Variants in CCDC102B observed in about 807,000 individuals in gnomAD.
CCDC102B encodes coiled-coil domain-containing protein 102B.
A neutral mutation model predicts 57.4 loss-of-function variants in CCDC102B; 75 were observed. The observed-to-expected ratio is 1.31, with a 90% CI of 1.08 to 1.58. The LOEUF (loss-of-function observed/expected upper bound fraction) is 1.58. Ranked by LOEUF, CCDC102B falls within the 40% of genes most tolerant of loss-of-function variation. The pLI, the probability that CCDC102B is intolerant of heterozygous loss-of-function variation, is 0.00. For synonymous variants in CCDC102B, 206 were observed against 201.9 expected (o/e 1.02, Z -0.17); for missense variants, 636 against 582.6 (o/e 1.09, Z -0.94).
At chr18:68,946,222 T>A (rs1260671268) in intron 6 of CCDC102B, among the ~76,000 whole-genome samples, 1 of 152,074 alleles carries the variant, frequency 6.6e-6, no homozygotes, top group Non-Finnish European at 1.5e-5. Context: ...TTATCTCCCA[T>A]GTACATAAGC....
At chr18:68,923,347 A>G (rs572533937) in intron 6 of CCDC102B, among the ~76,000 whole-genome samples, 4 of 152,084 alleles carry the variant, frequency 2.6e-5, no homozygotes, top group African/African-American at 9.6e-5. Flanking sequence ...AAAAATGTAT[A>G]TATGTATTTT....
At chr18:68,779,178 T>G (rs546904220) in intron 2 of CCDC102B, among the ~76,000 whole-genome samples, 8 of 152,190 alleles carry the variant, frequency 5.3e-5, no homozygotes, top group African/African-American at 1.9e-4. Context: ...TTTACTCTGC[T>G]AGGAAATTTA....
In CCDC102B at chr18:68,786,374, G is replaced by C. The variant is rs1355539750; in HGVS notation, c.-66-36992G>C. 1.0e-4 allele frequency among the ~76,000 whole-genome samples: 13 copies of C among 129,048 alleles called. No individual in the cohort carries two copies. The East Asian group carries it at 1.8e-3, about 18-fold the overall frequency. 84.7% of individuals were successfully genotyped at this position (129,048 alleles called of 152,430 possible). Reference sequence around the variant, plus strand: ...TCCAATTCTGTGAAGAAAGTCATTGGTAGCTTGATGGGGATGGCATTGAAT... The same window carrying C: ...TCCAATTCTGTGAAGAAAGTCATTGCTAGCTTGATGGGGATGGCATTGAAT... On this transcript the variant is annotated intron_variant, in intron 2 of 3. Transcript: ENST00000578970.
chr18:68,988,458 G>A (rs900570914), intron 6 of CCDC102B, among the ~76,000 whole-genome samples: 1 of 151,566 alleles, frequency 6.6e-6, no homozygotes, highest in African/African-American at 2.4e-5. Flanking sequence ...CACTACTTCG[G>A]TGGTGGTATC....
In CCDC102B at chr18:68,728,440, T is replaced by C. The variant is rs561961542; in HGVS notation, c.-67+11846T>C. Among the ~76,000 whole-genome samples, 5 of 152,308 alleles carry C rather than the reference T, an allele frequency of 3.3e-5. No homozygotes were observed. The South Asian group carries it at 1.0e-3, about 32-fold the overall frequency. On this transcript the variant is annotated intron_variant, in intron 2 of 3. Coordinates refer to the CCDC102B transcript ENST00000578970. ...CAAAGATTGAACAACAGAAACAAAA[T>C]TATGGCATGAGTTTTGTCCTCCTAG... is the stretch of plus-strand genomic sequence containing the variant.
At chr18:68,789,535 A>C (rs1270274248) in intron 2 of CCDC102B, among the ~76,000 whole-genome samples, 7 of 149,192 alleles carry the variant, frequency 4.7e-5, no homozygotes, top group Non-Finnish European at 9.0e-5. Context: ...ATTTCTTTTT[A>C]TTCTTTTTTC....
At chr18:69,043,154 G>T (rs1049193186) in intron 7 of CCDC102B, among the ~76,000 whole-genome samples, 3 of 152,106 alleles carry the variant, frequency 2.0e-5, no homozygotes, top group African/African-American at 7.2e-5. Flanking sequence ...AGGATTAAGT[G>T]CTGTGCTTTT....
chr18:68,978,528 ATC>A (rs1183476137), intron 6 of CCDC102B, among the ~76,000 whole-genome samples: 2 of 151,998 alleles, frequency 1.3e-5, no homozygotes, highest in Non-Finnish European at 2.9e-5. Flanking sequence ...ATAACCATGT[ATC>A]AAAATATTTA....
intron 2 of CCDC102B, among the ~76,000 whole-genome samples, chr18:68,759,499 G>A (rs1440611533): frequency 6.6e-6 from 1 of 152,054 alleles, no homozygotes; most frequent in Non-Finnish European, 1.5e-5. Context: ...CAAAGGAACT[G>A]AGATTAAGAA....
At chr18:69,001,764 G>A (rs113092689) in intron 6 of CCDC102B, among the ~76,000 whole-genome samples, 59 of 152,216 alleles carry the variant, frequency 3.9e-4, no homozygotes, top group African/African-American at 1.4e-3. Flanking sequence ...AGTATTAGTT[G>A]GATGAATGAG....
chr18:69,048,710 C>T (rs2145491973), intron 7 of CCDC102B, among the ~76,000 whole-genome samples: 1 of 151,468 alleles, frequency 6.6e-6, no homozygotes, highest in South Asian at 2.1e-4. Context: ...CATCAGGGTG[C>T]TTAAAAAAAA....
chr18:68,948,354 T>A (rs2049598270), intron 6 of CCDC102B, among the ~76,000 whole-genome samples: 1 of 152,182 alleles, frequency 6.6e-6, no homozygotes, highest in Non-Finnish European at 1.5e-5. Flanking sequence ...CTTTAATTTG[T>A]ACTGACTCTA....
intron 2 of CCDC102B, among the ~76,000 whole-genome samples, chr18:68,765,380 AAGAAAG>A (rs1163980775): frequency 1.4e-5 from 2 of 144,566 alleles, no homozygotes; most frequent in Admixed American, 6.7e-5. Flanking sequence ...AAAGAAAGAA[AAGAAAG>A]AAAGAAAAGA....
chr18:68,933,145 T>C (rs1322741510), intron 6 of CCDC102B, among the ~76,000 whole-genome samples: 2 of 151,844 alleles, frequency 1.3e-5, no homozygotes, highest in African/African-American at 4.8e-5. Flanking sequence ...ATTTCTATTT[T>C]ATAAGGGAGG....
At chr18:68,950,511 T>C (rs1304475291) in intron 6 of CCDC102B, among the ~76,000 whole-genome samples, 1 of 152,164 alleles carries the variant, frequency 6.6e-6, no homozygotes, top group Non-Finnish European at 1.5e-5. Context: ...TTTAAAAATA[T>C]GTATTTGTAA....
chr18:68,874,490 C>T (rs982827978), intron 4 of CCDC102B, among the ~76,000 whole-genome samples, 179 bp from the exon 5 acceptor site: 1 of 151,372 alleles, frequency 6.6e-6, no homozygotes, highest in Non-Finnish European at 1.5e-5. Context: ...CATTTTTGAA[C>T]TACAAGTATA....
chr18:68,820,065 C>A (rs1215145604), intron 1 of CCDC102B, among the ~76,000 whole-genome samples: 3 of 152,016 alleles, frequency 2.0e-5, no homozygotes, highest in African/African-American at 7.2e-5. Flanking sequence ...TTCCTCATCA[C>A]ACTAATGGCT....
At chr18:68,814,386 T>A (rs2036397279) in intron 1 of CCDC102B, among the ~76,000 whole-genome samples, 1 of 152,124 alleles carries the variant, frequency 6.6e-6, no homozygotes, top group Non-Finnish European at 1.5e-5. Flanking sequence ...GAAATAGAAA[T>A]AAACTGGTTT....
intron 7 of CCDC102B, among the ~76,000 whole-genome samples, chr18:69,022,979 T>G (rs1179666026): frequency 6.6e-6 from 1 of 150,904 alleles, no homozygotes; most frequent in Non-Finnish European, 1.5e-5. Flanking sequence ...AAATCCGTGC[T>G]TAGTTAAAAA....
Sources: gnomAD v4.1 joint callset for allele counts (sites outside exome capture counted in the v4.1 genomes callset) on GRCh38, gnomAD v4.1.1 for gene constraint, MANE v1.5 for transcripts, NCBI Gene and HGNC (gene_info 2026-07-23, HGNC 2026-07-21) for gene names.